The following FNIP1 variants were observed in gnomAD, a reference collection of about 807,000 sequenced individuals.
FNIP1 encodes the protein folliculin interacting protein 1.
FNIP1 carries 40 observed loss-of-function variants against 124.5 expected under a neutral mutation model. The observed-to-expected ratio is 0.32, with a 90% CI of 0.25 to 0.42. The LOEUF is 0.42. Ranked by LOEUF, FNIP1 falls within the 10% of genes least tolerant of loss-of-function variation. FNIP1 has a pLI of 1.00. For synonymous variants in FNIP1, 472 were observed against 470.6 expected (o/e 1.00, Z -0.04); for missense variants, 1,176 against 1,403.7 (o/e 0.84, Z 2.59).
At chr5:131,673,829 A>G (rs1335669803) in intron 13 of FNIP1, among the ~76,000 whole-genome samples, 1 of 152,098 alleles carries the variant, frequency 6.6e-6, no homozygotes, top group Non-Finnish European at 1.5e-5. Context: ...TGAGACCAGG[A>G]GTTCAAGACC....
At chr5:131,734,455 C>G (rs1770214934) in intron 2 of FNIP1, among the ~76,000 whole-genome samples, 1 of 152,088 alleles carries the variant, frequency 6.6e-6, no homozygotes, top group South Asian at 2.1e-4. Context: ...CCAAAATTGA[C>G]AAATGGGATC....
intron 15 of FNIP1, among the ~76,000 whole-genome samples, chr5:131,662,827 C>T (rs1199558985): frequency 1.4e-5 from 2 of 143,120 alleles, no homozygotes; most frequent in Non-Finnish European, 1.5e-5. Context: ...ACAACCTTGG[C>T]TTCCCAGGTT....
At chr5:131,659,554 GTAGT>G (rs1767344127) in intron 15 of FNIP1, among the ~76,000 whole-genome samples, 1 of 152,202 alleles carries the variant, frequency 6.6e-6, no homozygotes, top group Non-Finnish European at 1.5e-5. Context: ...TCTTCATGAG[GTAGT>G]TAGTAAGGTC....
chr5:131,710,410 A>G (rs185709891), intron 7 of FNIP1, among the ~76,000 whole-genome samples, 168 bp downstream of exon 7: 11 of 152,360 alleles, frequency 7.2e-5, no homozygotes, highest in Middle Eastern at 3.4e-3. Flanking sequence ...AAACTTTAAG[A>G]ACATGTTCAG....
In FNIP1 at chr5:131,672,699, T is replaced by A; in HGVS notation, c.1745A>T (p.Glu582Val). ...TLEKGEIEESEYVLVTMHRNK... is the reference protein window; with the variant it reads ...TLEKGEIEESVYVLVTMHRNK... ...TCTATGCATTGTGACAAGGACATACTCTGATTCTTCTATTTCACCTTTCTC... is the reference window on the plus strand; with the variant it reads ...TCTATGCATTGTGACAAGGACATACACTGATTCTTCTATTTCACCTTTCTC... The change falls in exon 14 of 18, where the codon GAG becomes GTG. Residue 582 changes from glutamate to valine, a missense_variant. Physicochemically the swap from Glu to Val is moderately radical, Grantham distance 121. This residue lies in a region of FNIP1 where 1,109 missense variants were observed against 1,288.5 expected (regional missense o/e 0.86). Coordinates refer to ENST00000510461, the MANE Select transcript of FNIP1 (RefSeq NM_133372.3). 1 of 1,613,954 alleles carries A rather than the reference T, an allele frequency of 6.2e-7. No homozygotes were observed.
At chr5:131,788,278 T>A (rs74386468) in intron 1 of FNIP1, among the ~76,000 whole-genome samples, 1 of 152,316 alleles carries the variant, frequency 6.6e-6, no homozygotes, top group African/African-American at 2.4e-5. Context: ...TTAGGACTCC[T>A]TTAAAATGAA....
rs59097834 is a variant in FNIP1 at position 131,657,736 on chromosome 5, C to CAAAAAAAAA, written c.3109-5746_3109-5738dup. ...ATGATGAAAGAGCTTGAAAATAAGG[C>CAAAAAAAAA]AAAAAAAAAAAAAAAAAAAAAACGG... On this transcript the variant is annotated intron_variant, in intron 15 of 17. Transcript: ENST00000510461. Among the ~76,000 whole-genome samples, 88 of 65,034 alleles carry CAAAAAAAAA rather than the reference C, an allele frequency of 1.4e-3. 5 individuals are homozygous for CAAAAAAAAA. Among genetic ancestry groups the CAAAAAAAAA allele is most frequent in the African/African-American group, 4.8e-3 (78 of 16,138 alleles). The allele number at this position is 65,034 out of a possible 152,430, so 42.7% of individuals were successfully genotyped here. A position where few individuals can be genotyped will look rare whatever the true frequency, so the allele number is the denominator to read the frequency against.
At chr5:131,660,650 T>G (rs571805874) in intron 15 of FNIP1, among the ~76,000 whole-genome samples, 1 of 152,332 alleles carries the variant, frequency 6.6e-6, no homozygotes, top group South Asian at 2.1e-4. Flanking sequence ...CCATCTCCCA[T>G]GTGGGGTGGC....
chr5:131,645,309 C>CA (rs34663555), intron 17 of FNIP1, among the ~76,000 whole-genome samples: 88,508 of 132,274 alleles, frequency 0.67, 29,575 homozygotes, highest in Non-Finnish European at 0.77. Context: ...GACCCTGTCT[C>CA]AAAAAAAAAA....
chr5:131,685,448 C>CTTTT (rs368323566), intron 11 of FNIP1, among the ~76,000 whole-genome samples: 9 of 126,052 alleles, frequency 7.1e-5, no homozygotes, highest in Non-Finnish European at 1.3e-4. Context: ...CCTTAAGAAT[C>CTTTT]TTTTTTTTTT....
intron 1 of FNIP1, among the ~76,000 whole-genome samples, chr5:131,750,396 A>C (rs936897761): frequency 1.2e-4 from 18 of 152,198 alleles, no homozygotes; most frequent in Non-Finnish European, 1.8e-4. Flanking sequence ...TATTAGAGGT[A>C]GAATAGCTCA....
At chr5:131,660,091 C>T (rs959759725) in intron 15 of FNIP1, among the ~76,000 whole-genome samples, 2 of 152,148 alleles carry the variant, frequency 1.3e-5, no homozygotes, top group Non-Finnish European at 2.9e-5. Flanking sequence ...TTGTCGACGA[C>T]AAGCACAGCA....
intron 1 of FNIP1, among the ~76,000 whole-genome samples, chr5:131,750,105 T>C (rs1242543304): frequency 6.6e-6 from 1 of 152,172 alleles, no homozygotes; most frequent in Non-Finnish European, 1.5e-5. Context: ...CAGTAGGACC[T>C]CATGTGCTTG....
At chr5:131,673,078 C>T (rs1464576705) in intron 13 of FNIP1, among the ~76,000 whole-genome samples, 154 bp from the exon 14 acceptor site, 1 of 149,786 alleles carries the variant, frequency 6.7e-6, no homozygotes, top group African/African-American at 2.5e-5. Context: ...GACAGGGTCT[C>T]ACACTGTAAT....
chr5:131,644,772 A>G lies in FNIP1; in HGVS notation c.3423-9T>C. 1 of 1,613,416 alleles carries G rather than the reference A, an allele frequency of 6.2e-7. No homozygotes were observed. Among genetic ancestry groups the G allele is most frequent in the Non-Finnish European group, 8.5e-7 (1 of 1,179,596 alleles). On this transcript the variant is annotated splice_polypyrimidine_tract_variant and intron_variant, in intron 17 of 17. Transcript: ENST00000510461. The stretch of plus-strand genomic sequence containing the variant: ...GATCACTGGATTCAATCCTGAAATA[A>G]AGGGGAAAAAAATGTCAGTTTTGAT...
chr5:131,788,467 G>C (rs112658861), intron 1 of FNIP1, among the ~76,000 whole-genome samples: 145 of 152,248 alleles, frequency 9.5e-4, no homozygotes, highest in African/African-American at 3.2e-3. Context: ...TCAGGCGTTT[G>C]AGATCAGCCT....
chr5:131,658,942 AC>A (rs1767302728), intron 15 of FNIP1, among the ~76,000 whole-genome samples: 1 of 137,918 alleles, frequency 7.3e-6, no homozygotes, highest in Admixed American at 7.4e-5. Context: ...AAAAATCACC[AC>A]CAAAAACAAA....
intron 1 of FNIP1, among the ~76,000 whole-genome samples, chr5:131,791,696 C>G (rs1350575646): frequency 1.3e-5 from 2 of 152,086 alleles, no homozygotes; most frequent in Non-Finnish European, 2.9e-5. Context: ...ACTTAAGCTG[C>G]CTAACTGCAA....
chr5:131,761,088 C>G lies in FNIP1; in HGVS notation c.93-16398G>C, dbSNP rs143082943. Among the ~76,000 whole-genome samples the G allele has an allele frequency of 4.7e-3, 711 of 152,208 alleles. 8 individuals carry two copies. The highest frequency in any genetic ancestry group is 0.016 in the African/African-American group (675 of 41,536). Reference sequence around the variant, plus strand: ...TAAAGTTTTCTGAGTTTTTAAAAACCTCTGAATAGATTTTACTTTAAAGAA... The same window carrying G: ...TAAAGTTTTCTGAGTTTTTAAAAACGTCTGAATAGATTTTACTTTAAAGAA... On this transcript the variant is annotated intron_variant, in intron 1 of 17. Transcript: ENST00000510461.
Sources: allele counts gnomAD v4.1 joint callset (sites outside exome capture counted in the v4.1 genomes callset), GRCh38; gene constraint gnomAD v4.1.1; regional missense constraint gnomAD v4.1.1; transcripts MANE v1.5; gene names NCBI Gene and HGNC (gene_info 2026-07-23, HGNC 2026-07-21).